WWOX: variants seen among roughly 807,000 people sequenced by gnomAD.
The protein encoded by WWOX is WW domain-containing oxidoreductase.
Under a neutral mutation model 46.2 loss-of-function variants are expected in WWOX, and 69 were observed. That is an observed-to-expected ratio of 1.49 (90% CI 1.23 to 1.82). The LOEUF is 1.82. WWOX is among the 40% of genes most tolerant of loss of function. The pLI is 0.00. For synonymous variants in WWOX, 359 were observed against 202.6 expected, an observed-to-expected ratio of 1.77 and a Z score of -6.56; for missense variants, 919 against 542.6, an observed-to-expected ratio of 1.69 and a Z score of -6.89.
chr16:78,209,561 G>A (rs1318256396), intron 5 of WWOX, among the ~76,000 whole-genome samples: 2 of 152,096 alleles, frequency 1.3e-5, no homozygotes, highest in Non-Finnish European at 2.9e-5. Flanking sequence ...TGTATAATAT[G>A]TGCACCTTTG....
intron 6 of WWOX, among the ~76,000 whole-genome samples, chr16:78,413,851 A>C (rs1041177758): frequency 6.6e-6 from 1 of 151,282 alleles, no homozygotes; most frequent in Admixed American, 6.6e-5. Context: ...GGCTGGTGCA[A>C]TGGCTTACCC....
At chr16:78,133,554 C>G (rs958655822) in intron 4 of WWOX, among the ~76,000 whole-genome samples, 2 of 151,884 alleles carry the variant, frequency 1.3e-5, no homozygotes, top group Admixed American at 6.6e-5. Flanking sequence ...CGCCACCATG[C>G]CTAGCTGATT....
chr16:78,452,413 T>G lies in WWOX; in HGVS notation c.1056+19661T>G, dbSNP rs898330767. On this transcript the variant is annotated intron_variant, in intron 8 of 8. Coordinates refer to ENST00000566780, the MANE Select transcript of WWOX (RefSeq NM_016373.4). ...TTAGATATGTTTGTGTGTGTATGCATGTGTGTGTACATGTAATCACAGTTC... is the reference window on the plus strand; with the variant it reads ...TTAGATATGTTTGTGTGTGTATGCAGGTGTGTGTACATGTAATCACAGTTC... 2.6e-5 allele frequency among the ~76,000 whole-genome samples: 4 copies of G among 152,086 alleles called. No individual in the cohort carries two copies. The South Asian group carries it at 8.3e-4, about 32-fold the overall frequency.
intron 5 of WWOX, among the ~76,000 whole-genome samples, chr16:78,344,859 G>A (rs958434379): frequency 8.2e-6 from 1 of 121,438 alleles, no homozygotes; most frequent in African/African-American, 2.8e-5. Context: ...GATGTCTGAA[G>A]AAGTTAGTTT....
At chr16:78,415,708 G>T (rs1273603799) in intron 6 of WWOX, among the ~76,000 whole-genome samples, 1 of 152,104 alleles carries the variant, frequency 6.6e-6, no homozygotes, top group Non-Finnish European at 1.5e-5. Context: ...AAAAGGGAAG[G>T]AGCTGGTCCC....
At chr16:78,396,664 G>A (rs1467481725) in intron 6 of WWOX, among the ~76,000 whole-genome samples, 1 of 152,184 alleles carries the variant, frequency 6.6e-6, no homozygotes, top group African/African-American at 2.4e-5. Context: ...TAATGATTAT[G>A]TAAAGCACTA....
chr16:78,278,751 C>T (rs1281337792), intron 5 of WWOX: 7 of 1,157,424 alleles, frequency 6.0e-6, no homozygotes, highest in Non-Finnish European at 8.8e-6. Context: ...TGACTTCTAT[C>T]TCGGTGATCT....
intron 8 of WWOX, among the ~76,000 whole-genome samples, chr16:78,885,071 G>T (rs111350653): frequency 6.6e-6 from 1 of 152,114 alleles, no homozygotes; most frequent in Admixed American, 6.5e-5. Flanking sequence ...CCCAGGTTCA[G>T]TGGTGAGAGT....
intron 8 of WWOX, among the ~76,000 whole-genome samples, chr16:78,929,833 A>G (rs181158067): frequency 6.6e-6 from 1 of 152,362 alleles, no homozygotes; most frequent in African/African-American, 2.4e-5. Flanking sequence ...TTTCAGGTGC[A>G]GGAAATGCGA....
At position 78,696,615 on chromosome 16, in the gene WWOX, G is replaced by C. The variant is rs1366341437; in HGVS notation, c.1056+263863G>C. Among the ~76,000 whole-genome samples, 3 of 149,206 alleles carry C rather than the reference G, an allele frequency of 2.0e-5. No homozygotes were observed. The South Asian group carries it at 6.5e-4, about 32-fold the overall frequency. ...AGGCACGGTGTTGCCTGATAACCTT[G>C]CCCAGCTGTAGGCTAATGTAAGTGT... On this transcript the variant is annotated intron_variant, in intron 8 of 8. Transcript: ENST00000566780.
intron 8 of WWOX, among the ~76,000 whole-genome samples, chr16:78,797,142 A>G (rs139576146): frequency 5.0e-4 from 76 of 152,012 alleles, no homozygotes; most frequent in Admixed American, 4.1e-3. Flanking sequence ...TTCTTTATCA[A>G]TAGAAGTGGG....
At chr16:78,746,508 G>C (rs938873135) in intron 8 of WWOX, among the ~76,000 whole-genome samples, 1 of 152,070 alleles carries the variant, frequency 6.6e-6, no homozygotes, top group African/African-American at 2.4e-5. Flanking sequence ...GTGCATTGTA[G>C]TAATACTAGA....
intron 8 of WWOX, among the ~76,000 whole-genome samples, chr16:78,454,060 G>A (rs12051228): frequency 0.12 from 18,239 of 152,128 alleles, 1,706 homozygotes; most frequent in African/African-American, 0.25. Flanking sequence ...TGAAAAATCA[G>A]TATTTATTTA....
chr16:78,683,513 C>G (rs2047779326), intron 8 of WWOX, among the ~76,000 whole-genome samples: 1 of 151,312 alleles, frequency 6.6e-6, no homozygotes, highest in South Asian at 2.1e-4. Context: ...GCACTCCAGC[C>G]TGGCTGACAG....
intron 4 of WWOX, among the ~76,000 whole-genome samples, chr16:78,163,667 T>C (rs575894943): frequency 2.0e-5 from 3 of 152,190 alleles, no homozygotes; most frequent in Non-Finnish European, 4.4e-5. Context: ...TTGTCCATCT[T>C]TTCTAATTGT....
At chr16:78,316,553 G>A (rs2080359481) in intron 5 of WWOX, among the ~76,000 whole-genome samples, 1 of 152,212 alleles carries the variant, frequency 6.6e-6, no homozygotes, top group African/African-American at 2.4e-5. Flanking sequence ...GTGTTGGCCA[G>A]GCTGTTCTAA....
At chr16:78,306,515 C>G (rs1026864015) in intron 5 of WWOX, among the ~76,000 whole-genome samples, 1 of 152,178 alleles carries the variant, frequency 6.6e-6, no homozygotes, top group African/African-American at 2.4e-5. Context: ...CAACTATTCA[C>G]TCTATTTATA....
intron 8 of WWOX, among the ~76,000 whole-genome samples, chr16:78,877,033 C>T (rs1305274741): frequency 6.6e-6 from 1 of 152,134 alleles, no homozygotes; most frequent in East Asian, 1.9e-4. Context: ...AGGTCCAGGA[C>T]ATTTAAATAG....
rs535367586 is a variant in WWOX at position 79,084,555 on chromosome 16, C to T, written c.1057-127053C>T. On this transcript the variant is annotated intron_variant, in intron 8 of 8. Coordinates refer to ENST00000566780, the MANE Select transcript of WWOX (RefSeq NM_016373.4). ...CCTGCCTCCTGAGTAGCTGGGACTA[C>T]AGGTGCATGCCACCACGCCCGGCTA... Among the ~76,000 whole-genome samples, 18 of 152,194 alleles carry T rather than the reference C, an allele frequency of 1.2e-4. No homozygotes were observed. In the South Asian group the frequency reaches 3.7e-3, roughly 32 times the overall value.
Sources: allele counts gnomAD v4.1 joint callset (sites outside exome capture counted in the v4.1 genomes callset), GRCh38; gene constraint gnomAD v4.1.1; transcripts MANE v1.5; gene names NCBI Gene and HGNC (gene_info 2026-07-23, HGNC 2026-07-21).